Variants in CLIC5 observed in about 807,000 individuals in gnomAD.
CLIC5 encodes chloride intracellular channel protein 5.
In CLIC5, 20 loss-of-function variants were observed where a neutral mutation model predicts 24.7. The observed-to-expected ratio is 0.81, with a 90% CI of 0.57 to 1.18. CLIC5 has a LOEUF of 1.18. Ranked by LOEUF, CLIC5 falls within the 50% of genes most tolerant of loss-of-function variation. The probability of loss-of-function intolerance (pLI) is 0.00; values close to 1 mark genes in which losing one functional copy is unlikely to be tolerated. For synonymous variants in CLIC5, 159 were observed against 135.6 expected (o/e 1.17, Z -1.20); for missense variants, 341 against 326.1 (o/e 1.05, Z -0.35).
intron 1 of CLIC5, among the ~76,000 whole-genome samples, chr6:45,958,555 G>T (rs1764743928): frequency 6.8e-6 from 1 of 147,838 alleles, no homozygotes; most frequent in East Asian, 2.0e-4. Flanking sequence ...AGTACTTCCT[G>T]TTCCCTAGAT....
At chr6:46,070,316 AG>A (rs1385453737) in intron 1 of CLIC5, among the ~76,000 whole-genome samples, 6 of 152,204 alleles carry the variant, frequency 3.9e-5, no homozygotes, top group Non-Finnish European at 8.8e-5. Flanking sequence ...TTTTATATCT[AG>A]AAAACCCCAT....
At chr6:45,998,341 T>C (rs1581842951) in intron 1 of CLIC5, among the ~76,000 whole-genome samples, 1 of 152,154 alleles carries the variant, frequency 6.6e-6, no homozygotes, top group Non-Finnish European at 1.5e-5. Context: ...CAGCAGCACA[T>C]GGCTTGGCAG....
chr6:46,084,117 C>T (rs546847351), upstream of CLIC5, among the ~76,000 whole-genome samples: 8,408 of 151,564 alleles, frequency 0.055, 239 homozygotes, highest in African/African-American at 0.076. Context: ...TTTTTGTTTT[C>T]CATTTGCTTG....
intron 6 of CLIC5, among the ~76,000 whole-genome samples, chr6:45,892,411 C>A (rs891545224): frequency 6.6e-6 from 1 of 152,220 alleles, no homozygotes; most frequent in Non-Finnish European, 1.5e-5. Flanking sequence ...TTTTTTGTGT[C>A]ATGGCCAAGA....
At chr6:46,035,917 T>C (rs1767646050) in intron 1 of CLIC5, among the ~76,000 whole-genome samples, 1 of 151,950 alleles carries the variant, frequency 6.6e-6, no homozygotes, top group South Asian at 2.1e-4. Context: ...GCTAATTTTT[T>C]TGTATTTTTA....
At chr6:46,058,006 C>T (rs1222931500) in intron 1 of CLIC5, among the ~76,000 whole-genome samples, 1 of 152,134 alleles carries the variant, frequency 6.6e-6, no homozygotes, top group East Asian at 1.9e-4. Context: ...TCTTTCTGGG[C>T]TTTCTCCCTG....
At chr6:46,005,980 G>GTATATATATA (rs35395134) in intron 1 of CLIC5, among the ~76,000 whole-genome samples, 1 of 117,696 alleles carries the variant, frequency 8.5e-6, no homozygotes, top group Non-Finnish European at 1.7e-5. Context: ...GCCTATGTGT[G>GTATATATATA]TATATATATA....
At chr6:46,107,617 C>T in the CLIC5 span, among the ~76,000 whole-genome samples, 42 of 151,906 alleles carry the variant, frequency 2.8e-4, no homozygotes, top group Non-Finnish European at 4.9e-4. Context: ...GAAGTATTTT[C>T]GGTTTAAAAA....
At chr6:46,012,731 T>C (rs181541959) in intron 1 of CLIC5, among the ~76,000 whole-genome samples, 46 of 152,330 alleles carry the variant, frequency 3.0e-4, no homozygotes, top group Admixed American at 6.5e-4. Context: ...TGTGAGCACA[T>C]GTATTGTTCA....
At chr6:46,021,103 A>C (rs370229147) in intron 1 of CLIC5, among the ~76,000 whole-genome samples, 11 of 151,444 alleles carry the variant, frequency 7.3e-5, no homozygotes, top group African/African-American at 2.2e-4. Context: ...AAAAAAAAAA[A>C]AAAAAACCCA....
chr6:46,046,418 A>T (rs1767953814), intron 1 of CLIC5, among the ~76,000 whole-genome samples: 1 of 152,208 alleles, frequency 6.6e-6, no homozygotes, highest in Admixed American at 6.5e-5. Flanking sequence ...TCCCAAAACC[A>T]ACCAGTGACT....
chr6:46,092,952 A>G, the CLIC5 span, among the ~76,000 whole-genome samples: 1 of 152,136 alleles, frequency 6.6e-6, no homozygotes, highest in Admixed American at 6.5e-5. Flanking sequence ...AATTTCTCTT[A>G]TTTAAATTGT....
At chr6:45,887,119 G>A (rs1762311502) in intron 6 of CLIC5, among the ~76,000 whole-genome samples, 1 of 152,220 alleles carries the variant, frequency 6.6e-6, no homozygotes, top group South Asian at 2.1e-4. Context: ...GGTCAGGGAA[G>A]GGGCACATGC....
intron 1 of CLIC5, among the ~76,000 whole-genome samples, chr6:46,073,450 G>C (rs1762676311): frequency 6.6e-6 from 1 of 152,154 alleles, no homozygotes. Context: ...ACATCCAGAT[G>C]ATCAGTTGAA....
intron 1 of CLIC5, among the ~76,000 whole-genome samples, chr6:45,976,036 C>T (rs999203487): frequency 1.3e-5 from 2 of 152,136 alleles, no homozygotes; most frequent in Admixed American, 1.3e-4. Context: ...GTGGGGGCTG[C>T]TCATCTCTGG....
chr6:46,069,493 C>T (rs62400502), intron 1 of CLIC5, among the ~76,000 whole-genome samples: 1 of 152,148 alleles, frequency 6.6e-6, no homozygotes, highest in South Asian at 2.1e-4. Context: ...CACATACACC[C>T]TCCCAAGACT....
intron 1 of CLIC5, among the ~76,000 whole-genome samples, chr6:46,013,749 T>C (rs1766889083): frequency 6.6e-6 from 1 of 152,232 alleles, no homozygotes. Flanking sequence ...AGGGCTCCTT[T>C]GGTTCTAAAG....
At chr6:46,049,546 T>C (rs567780538) in intron 1 of CLIC5, among the ~76,000 whole-genome samples, 8 of 152,260 alleles carry the variant, frequency 5.3e-5, no homozygotes, top group African/African-American at 1.9e-4. Context: ...TATCACATAG[T>C]TAAAAATACA....
At chr6:46,024,271 G>A (rs982563038) in intron 1 of CLIC5, among the ~76,000 whole-genome samples, 1 of 152,168 alleles carries the variant, frequency 6.6e-6, no homozygotes, top group Non-Finnish European at 1.5e-5. Context: ...CAGTACCTTA[G>A]GTTGAAGTAA....
Sources: allele counts gnomAD v4.1 joint callset (sites outside exome capture counted in the v4.1 genomes callset), GRCh38; gene constraint gnomAD v4.1.1; transcripts MANE v1.5; gene names NCBI Gene and HGNC (gene_info 2026-07-23, HGNC 2026-07-21).